SIL1: variants seen among roughly 807,000 people sequenced by gnomAD.
SIL1 encodes nucleotide exchange factor SIL1.
A neutral mutation model predicts 49.1 loss-of-function variants in SIL1; 40 were observed. That is an observed-to-expected ratio of 0.81 (90% confidence interval 0.63 to 1.06). The LOEUF (loss-of-function observed/expected upper bound fraction) is 1.06. SIL1 is among the 50% of genes least tolerant of loss of function. The pLI, the probability that SIL1 is intolerant of heterozygous loss-of-function variation, is 0.00. For synonymous variants in SIL1, 253 were observed against 250.8 expected, an observed-to-expected ratio of 1.01 and a Z score of -0.08; for missense variants, 500 against 572.6, an observed-to-expected ratio of 0.87 and a Z score of 1.29.
chr5:139,176,433 C>T (rs1449541532), intron 1 of SIL1, among the ~76,000 whole-genome samples: 1 of 152,178 alleles, frequency 6.6e-6, no homozygotes, highest in Non-Finnish European at 1.5e-5. Flanking sequence ...AAGCTGCTTC[C>T]ACATTTTAGG....
chr5:139,186,477 G>A (rs1456202034), intron 1 of SIL1, among the ~76,000 whole-genome samples: 2 of 151,878 alleles, frequency 1.3e-5, no homozygotes, highest in Non-Finnish European at 2.9e-5. Flanking sequence ...AATATGCTTT[G>A]GTAGTCCCTA....
rs543749595 is a variant in SIL1, at chr5:139,004,256, C to A, written c.767+16915G>T. On this transcript the variant is annotated intron_variant, in intron 7 of 9. Transcript: ENST00000394817. Reference sequence around the variant, plus strand: ...CCTCAAGTGATCCTTCCACCTCAGCCTCCCAAAGTGCTGAGATTACAGGTG... The same window carrying A: ...CCTCAAGTGATCCTTCCACCTCAGCATCCCAAAGTGCTGAGATTACAGGTG... 3.3e-5 allele frequency among the ~76,000 whole-genome samples: 5 copies of A among 152,266 alleles called. No homozygotes were observed. The East Asian group carries it at 9.7e-4, about 29-fold the overall frequency.
intron 3 of SIL1, among the ~76,000 whole-genome samples, chr5:139,091,566 G>T (rs2151776594): frequency 6.6e-6 from 1 of 152,332 alleles, no homozygotes; most frequent in Non-Finnish European, 1.5e-5. Flanking sequence ...CTAGGGAAAT[G>T]AAATTTGCAT....
At chr5:139,136,950 G>C (rs1440976150) in intron 1 of SIL1, among the ~76,000 whole-genome samples, 3 of 152,124 alleles carry the variant, frequency 2.0e-5, no homozygotes, top group Admixed American at 2.0e-4. Context: ...GCAGAAGGAG[G>C]GGGCAGGGAG....
chr5:139,052,681 C>CT (rs1769316983), intron 3 of SIL1, among the ~76,000 whole-genome samples: 1 of 151,570 alleles, frequency 6.6e-6, no homozygotes, highest in Admixed American at 6.6e-5. Context: ...AAGACTCCGT[C>CT]TCAAAAAAAA....
At chr5:139,169,447 T>C (rs976393052) in intron 1 of SIL1, among the ~76,000 whole-genome samples, 6 of 150,934 alleles carry the variant, frequency 4.0e-5, no homozygotes, top group Non-Finnish European at 8.8e-5. Flanking sequence ...ATGGTGTGTG[T>C]GTGTGTATGT....
chr5:139,103,694 C>G (rs1005201345), intron 3 of SIL1, among the ~76,000 whole-genome samples: 3 of 152,192 alleles, frequency 2.0e-5, no homozygotes, highest in Non-Finnish European at 4.4e-5. Flanking sequence ...CTCCCCTCCC[C>G]CAATTCATTA....
intron 7 of SIL1, among the ~76,000 whole-genome samples, chr5:139,002,650 T>C (rs1768013258): frequency 6.6e-6 from 1 of 152,206 alleles, no homozygotes; most frequent in South Asian, 2.1e-4. Context: ...AAGAGCTGTA[T>C]TGTTTTCAAC....
intron 7 of SIL1, among the ~76,000 whole-genome samples, chr5:138,982,936 C>T (rs564333124): frequency 1.3e-5 from 2 of 152,160 alleles, no homozygotes; most frequent in Admixed American, 6.5e-5. Flanking sequence ...GTGGCTCATG[C>T]CTGTAATCCC....
chr5:139,018,989 T>C (rs1225215900), intron 7 of SIL1, among the ~76,000 whole-genome samples: 1 of 152,202 alleles, frequency 6.6e-6, no homozygotes, highest in African/African-American at 2.4e-5. Context: ...GTGGTCTGCC[T>C]AATCCTCCTA....
At chr5:139,166,700 G>C (rs11951786) in intron 1 of SIL1, among the ~76,000 whole-genome samples, 1 of 151,606 alleles carries the variant, frequency 6.6e-6, no homozygotes. Flanking sequence ...GCTGGAGTGC[G>C]GTGGCATGAT....
chr5:139,131,591 T>C (rs1454552261), intron 1 of SIL1: 1 of 152,248 alleles, frequency 6.6e-6, no homozygotes, highest in Non-Finnish European at 1.5e-5. Flanking sequence ...CTTAGCTTTC[T>C]GCCAGCTCCC....
chr5:138,974,901 A>G (rs1767364599), intron 7 of SIL1, among the ~76,000 whole-genome samples: 2 of 152,162 alleles, frequency 1.3e-5, no homozygotes, highest in South Asian at 4.2e-4. Context: ...GTGAAGCACC[A>G]CTGTCTTCTT....
Position 139,136,868 on chromosome 5 carries a change from T to C in SIL1, c.-10-9015A>G, listed in dbSNP as rs141274048. Among the ~76,000 whole-genome samples the C allele has an allele frequency of 7.2e-5, 11 of 152,252 alleles. No individual in the cohort carries two copies. In the East Asian group the frequency reaches 2.1e-3, roughly 29 times the overall value. On this transcript the variant is annotated intron_variant, in intron 1 of 9. Transcript: ENST00000394817. The stretch of plus-strand genomic sequence containing the variant: ...GGGATTCTTCAATACCATACATAAG[T>C]TCCTATGATTGATGAAGAGCTACCC...
chr5:139,018,407 T>C (rs1011617866), intron 7 of SIL1, among the ~76,000 whole-genome samples: 3 of 152,042 alleles, frequency 2.0e-5, no homozygotes, highest in African/African-American at 4.8e-5. Context: ...CTGGACAACA[T>C]GGTGAAACCT....
At chr5:139,163,621 C>G (rs554966288) in intron 1 of SIL1, among the ~76,000 whole-genome samples, 1 of 152,084 alleles carries the variant, frequency 6.6e-6, no homozygotes, top group Non-Finnish European at 1.5e-5. Context: ...CCGCCCGTCT[C>G]GGCCTCCCAA....
Position 139,055,448 on chromosome 5 carries a change from C to A in SIL1, c.245-4402G>T, listed in dbSNP as rs374073064. On this transcript the variant is annotated intron_variant, in intron 3 of 9. Coordinates refer to ENST00000394817, the MANE Select transcript of SIL1 (RefSeq NM_022464.5). ...CAGTTCCTCCTACTGCAGAGTGTGC[C>A]TTCTCACACCTTGACTTTGGATTTT... is the stretch of plus-strand genomic sequence containing the variant. Among the ~76,000 whole-genome samples the A allele has an allele frequency of 2.0e-5, 3 of 152,232 alleles. No individual in the cohort carries two copies. The East Asian group carries it at 5.8e-4, about 29-fold the overall frequency.
intron 3 of SIL1, among the ~76,000 whole-genome samples, chr5:139,118,052 A>G (rs1323637903): frequency 1.3e-5 from 2 of 152,192 alleles, no homozygotes; most frequent in Non-Finnish European, 1.5e-5. Flanking sequence ...AACTGGGGAC[A>G]ATAACTGTCC....
rs114901545 is a variant in SIL1 at position 138,979,491 on chromosome 5, T to C, written c.768-27607A>G. On this transcript the variant is annotated intron_variant, in intron 7 of 9. Coordinates refer to ENST00000394817, the MANE Select transcript of SIL1 (RefSeq NM_022464.5). ...AGCAAAATGCCTGGCACATAATAGG[T>C]AGTCATGACTTTTTTAAATAATTTT... is the stretch of plus-strand genomic sequence containing the variant. Among the ~76,000 whole-genome samples the C allele has an allele frequency of 4.4e-3, 675 of 152,206 alleles. 3 individuals carry two copies. Among genetic ancestry groups the C allele is most frequent in the African/African-American group, 0.016 (646 of 41,506 alleles).
Sources: allele counts gnomAD v4.1 joint callset (sites outside exome capture counted in the v4.1 genomes callset), GRCh38; gene constraint gnomAD v4.1.1; transcripts MANE v1.5; gene names NCBI Gene and HGNC (gene_info 2026-07-23, HGNC 2026-07-21).